The following ITSN1 variants were observed in gnomAD, a reference collection of about 807,000 sequenced individuals.
ITSN1 encodes intersectin 1.
In ITSN1, 58 loss-of-function variants were observed where a neutral mutation model predicts 239.8. That is an observed-to-expected ratio of 0.24 (90% confidence interval 0.20 to 0.30). The LOEUF (loss-of-function observed/expected upper bound fraction) is 0.30, where lower values mean the gene tolerates loss of function less well. ITSN1 is among the 10% of genes least tolerant of loss of function. The pLI is 1.00. For synonymous variants in ITSN1, 780 were observed against 770.8 expected, an observed-to-expected ratio of 1.01 and a Z score of -0.20; for missense variants, 1,558 against 2,103.3, an observed-to-expected ratio of 0.74 and a Z score of 5.07.
chr21:33,828,988 T>C (rs755297654), intron 26 of ITSN1: 1 of 471,270 alleles, frequency 2.1e-6, no homozygotes, highest in Middle Eastern at 3.2e-4. Flanking sequence ...TAACGTGAAA[T>C]AAAAAGAAAG....
intron 34 of ITSN1, among the ~76,000 whole-genome samples, chr21:33,876,065 T>TCTCTTTCTCCCTTTTTCTTTC (rs56796087): frequency 0.068 from 3,160 of 46,198 alleles, 274 homozygotes; most frequent in East Asian, 0.15. Context: ...TTTCTTTCTT[T>TCTCTTTCTCCCTTTTTCTTTC]CTCTTTCTCC....
intron 1 of ITSN1, among the ~76,000 whole-genome samples, chr21:33,681,488 G>C (rs1028833669): frequency 1.3e-5 from 2 of 152,018 alleles, no homozygotes; most frequent in African/African-American, 4.8e-5. Flanking sequence ...GGCAGAGGTT[G>C]CAGTGAGCTG....
chr21:33,719,863 A>G (rs926003170), intron 2 of ITSN1, among the ~76,000 whole-genome samples: 1 of 152,198 alleles, frequency 6.6e-6, no homozygotes, highest in South Asian at 2.1e-4. Context: ...GCTTACACCC[A>G]AGTTACTTTT....
intron 24 of ITSN1, among the ~76,000 whole-genome samples, chr21:33,821,959 T>C (rs373559083): frequency 6.6e-6 from 1 of 152,200 alleles, no homozygotes; most frequent in Non-Finnish European, 1.5e-5. Flanking sequence ...ATGACCCTAT[T>C]AAAGCCACCA....
At chr21:33,817,160 T>C (rs1369420357) in intron 22 of ITSN1, 1 of 1,208,222 alleles carries the variant, frequency 8.3e-7, no homozygotes, top group Non-Finnish European at 1.1e-6. Flanking sequence ...TTTTACTAAA[T>C]GCTTTAAGAT....
rs113283244 is a variant in ITSN1, at chr21:33,774,402, G to A, written c.1306-327G>A. ...TACTACATAAATTTTCCTTCTTGGCGTGTCAGTAAATAAGAAGGAGCATTT... is the reference window on the plus strand; with the variant it reads ...TACTACATAAATTTTCCTTCTTGGCATGTCAGTAAATAAGAAGGAGCATTT... On this transcript the variant is annotated intron_variant, in intron 12 of 39. Transcript: ENST00000381318. The A allele has an allele frequency of 6.5e-3, 1,196 of 182,756 alleles. 15 individuals carry two copies. Among genetic ancestry groups the A allele is most frequent in the African/African-American group, 0.026 (1,123 of 42,676 alleles). 11.3% of individuals were successfully genotyped at this position (182,756 alleles called of 1,614,324 possible). A position where few individuals can be genotyped will look rare whatever the true frequency, so the allele number is the denominator to read the frequency against.
intron 34 of ITSN1, among the ~76,000 whole-genome samples, chr21:33,879,868 C>G (rs944970568): frequency 1.3e-5 from 2 of 152,162 alleles, no homozygotes; most frequent in African/African-American, 4.8e-5. Context: ...TTAGTAGAGA[C>G]GGGGTTTCGC....
chr21:33,696,782 A>G (rs1432370640), intron 1 of ITSN1, among the ~76,000 whole-genome samples: 5 of 152,130 alleles, frequency 3.3e-5, no homozygotes, highest in South Asian at 4.1e-4. Flanking sequence ...CTTCTTTCCT[A>G]AAGCTGAAGG....
intron 31 of ITSN1, among the ~76,000 whole-genome samples, chr21:33,861,991 TAAAAA>T (rs776558259): frequency 3.4e-5 from 2 of 58,168 alleles, no homozygotes; most frequent in African/African-American, 7.1e-5. Context: ...TCATCTCTAC[TAAAAA>T]AAAAAAAAAA....
At chr21:33,678,646 A>G (rs1461741238) in intron 1 of ITSN1, among the ~76,000 whole-genome samples, 1 of 152,116 alleles carries the variant, frequency 6.6e-6, no homozygotes, top group Non-Finnish European at 1.5e-5. Context: ...CCTGAAGATG[A>G]TTTTCTTGGA....
chr21:33,754,694 G>A (rs1017008274), intron 7 of ITSN1, among the ~76,000 whole-genome samples: 6 of 152,186 alleles, frequency 3.9e-5, no homozygotes, highest in African/African-American at 4.8e-5. Flanking sequence ...GATTGTAGTC[G>A]AGAAAGTGAA....
Position 33,898,296 on chromosome 21 carries a change from T to C in ITSN1, c.*9996T>C, listed in dbSNP as rs1364705107. On this transcript the variant is annotated 3_prime_UTR_variant, in exon 40 of 40. Coordinates refer to ENST00000381318, the MANE Select transcript of ITSN1 (RefSeq NM_003024.3). ...AATTTCCTGATGCATCCTCACTGTC[T>C]TCAACTGTTGCATAGCCAGGTGGGT... is the stretch of plus-strand genomic sequence containing the variant. The C allele has an allele frequency of 6.6e-6, 1 of 152,246 alleles. No individual in the cohort carries two copies. Among genetic ancestry groups the C allele is most frequent in the Non-Finnish European group, 1.5e-5 (1 of 68,046 alleles). 9.4% of individuals were successfully genotyped at this position (152,246 alleles called of 1,614,324 possible). A position where few individuals can be genotyped will look rare whatever the true frequency, so the allele number is the denominator to read the frequency against.
At chr21:33,737,756 T>G (rs1411917418) in intron 5 of ITSN1, among the ~76,000 whole-genome samples, 1 of 152,054 alleles carries the variant, frequency 6.6e-6, no homozygotes, top group Admixed American at 6.5e-5. Context: ...GTATTTTTAA[T>G]AGAGACAGGG....
intron 5 of ITSN1, among the ~76,000 whole-genome samples, chr21:33,738,729 C>T (rs930089477): frequency 6.6e-6 from 1 of 152,056 alleles, no homozygotes; most frequent in African/African-American, 2.4e-5. Context: ...TTACCTTCTC[C>T]GTGCCTTCAT....
intron 8 of ITSN1, among the ~76,000 whole-genome samples, chr21:33,756,290 A>G (rs1218627294): frequency 6.7e-6 from 1 of 150,030 alleles, no homozygotes; most frequent in Non-Finnish European, 1.5e-5. Context: ...TCCGTCTCAA[A>G]AAAAAAAAAA....
chr21:33,721,333 T>G, intron 3 of ITSN1, 63 bp downstream of exon 3: 1 of 1,077,376 alleles, frequency 9.3e-7, no homozygotes, highest in Non-Finnish European at 1.4e-6. Flanking sequence ...GTGGAAACTC[T>G]ATCATGCAAA....
At chr21:33,760,582 G>C (rs2068243735) in intron 8 of ITSN1, among the ~76,000 whole-genome samples, 1 of 152,168 alleles carries the variant, frequency 6.6e-6, no homozygotes, top group Non-Finnish European at 1.5e-5. Context: ...TGGTTTATCT[G>C]AAATGAGCAA....
intron 1 of ITSN1, among the ~76,000 whole-genome samples, chr21:33,715,854 G>T (rs1340506088): frequency 3.3e-5 from 5 of 152,116 alleles, no homozygotes; most frequent in African/African-American, 9.7e-5. Flanking sequence ...GGAGGTGGAG[G>T]TTGCAGTGAG....
At chr21:33,648,741 G>A (rs1007267872) in intron 1 of ITSN1, among the ~76,000 whole-genome samples, 1 of 152,148 alleles carries the variant, frequency 6.6e-6, no homozygotes, top group East Asian at 1.9e-4. Flanking sequence ...TACTAGGGAG[G>A]CTGAGGTGGG....
Sources: gnomAD v4.1 joint callset for allele counts (sites outside exome capture counted in the v4.1 genomes callset) on GRCh38, gnomAD v4.1.1 for gene constraint, MANE v1.5 for transcripts, NCBI Gene and HGNC (gene_info 2026-07-23, HGNC 2026-07-21) for gene names.